The following DNAAF10 variants were observed in gnomAD, a reference collection of about 807,000 sequenced individuals.
The protein encoded by DNAAF10 is WD repeat domain 92.
A neutral mutation model predicts 43.7 loss-of-function variants in DNAAF10; 28 were observed. The ratio of observed to expected loss-of-function variants is 0.64; its 90% CI spans 0.48 to 0.88. The LOEUF (loss-of-function observed/expected upper bound fraction) is 0.88. DNAAF10 is among the 40% of genes least tolerant of loss of function. The pLI is 0.00. For missense variants in DNAAF10, 403 were observed against 439.1 expected, an observed-to-expected ratio of 0.92 and a Z score of 0.73; for synonymous variants, 156 against 157.3, an observed-to-expected ratio of 0.99 and a Z score of 0.06.
chr2:68,142,759 C>G (rs1265172560), intron 3 of DNAAF10, among the ~76,000 whole-genome samples: 1 of 148,626 alleles, frequency 6.7e-6, no homozygotes, highest in African/African-American at 2.5e-5. Flanking sequence ...AGGCAAGTAC[C>G]TGAGAATAAG....
chr2:68,138,883 C>T (rs377492003), intron 4 of DNAAF10, 26 bp from the exon 5 acceptor site: 38 of 1,538,396 alleles, frequency 2.5e-5, no homozygotes, highest in Non-Finnish European at 3.4e-5. Flanking sequence ...CAACATTTCA[C>T]ATCCTTATAA....
At position 68,137,441 on chromosome 2, in the gene DNAAF10, CA is replaced by C. The variant is rs758404691; in HGVS notation, c.634-9del. On this transcript the variant is annotated splice_polypyrimidine_tract_variant and intron_variant, in intron 5 of 7. Coordinates refer to ENST00000295121, the MANE Select transcript of DNAAF10 (RefSeq NM_138458.4). ...AAACTCCAAGCTACACACCTGAAAACAGAGAATACTTATTATTGGTAGTCTC... is the reference window on the plus strand; with the variant it reads ...AAACTCCAAGCTACACACCTGAAAACGAGAATACTTATTATTGGTAGTCTC... 2 of 1,605,040 alleles carry C rather than the reference CA, an allele frequency of 1.2e-6. No homozygotes were observed. The highest frequency in any genetic ancestry group is 2.2e-5 in the South Asian group (2 of 89,440).
At chr2:68,150,895 G>C (rs1036585931) in intron 1 of DNAAF10, among the ~76,000 whole-genome samples, 1 of 152,164 alleles carries the variant, frequency 6.6e-6, no homozygotes, top group Non-Finnish European at 1.5e-5. Flanking sequence ...TCCCTGTGCA[G>C]AGATAGAACT....
rs1257945961 is a variant in DNAAF10, at chr2:68,137,308, A to G, written c.759T>C (p.Val253=). The part of the protein sequence containing the change: ...TQHPTKGFAS[V]SEKAHKSTVW... The stretch of plus-strand genomic sequence containing the variant: ...TTTCCCTCATATTTACCTTTTCTGA[A>G]ACAGAGGCAAAACCTTTGGTTGGAT... The change falls in exon 6 of 8, where the codon GTT becomes GTC. Residue 253 remains valine, a synonymous_variant. Coordinates refer to ENST00000295121, the MANE Select transcript of DNAAF10 (RefSeq NM_138458.4). The G allele has an allele frequency of 6.2e-7, 1 of 1,610,332 alleles. No homozygotes were observed. Among genetic ancestry groups the G allele is most frequent in the Admixed American group, 1.7e-5 (1 of 59,258 alleles).
At chr2:68,154,715 A>ACT (rs1309707286) in intron 1 of DNAAF10, among the ~76,000 whole-genome samples, 1 of 152,136 alleles carries the variant, frequency 6.6e-6, no homozygotes, top group Admixed American at 6.5e-5. Flanking sequence ...AAGACAAACT[A>ACT]CTCTATTCCA....
At chr2:68,141,439 T>C (rs1375606410) in intron 4 of DNAAF10, among the ~76,000 whole-genome samples, 1 of 152,220 alleles carries the variant, frequency 6.6e-6, no homozygotes, top group Non-Finnish European at 1.5e-5. Flanking sequence ...CTATTATTAA[T>C]TCCATTTTAT....
Position 68,130,104 on chromosome 2 carries a change from T to TGA in DNAAF10, c.*1132_*1133dup, listed in dbSNP as rs10574149. On this transcript the variant is annotated 3_prime_UTR_variant, in exon 8 of 8. Coordinates refer to ENST00000295121, the MANE Select transcript of DNAAF10 (RefSeq NM_138458.4). The stretch of plus-strand genomic sequence containing the variant: ...CAAATCTAGACCAACCGTGCCGTTT[T>TGA]GAGAGAGAGAGATATATATATATAT... 1.3e-4 allele frequency: 8 copies of TGA among 63,902 alleles called. No homozygotes were observed. Among genetic ancestry groups the TGA allele is most frequent in the African/African-American group, 3.0e-4 (8 of 26,470 alleles). The allele number at this position is 63,902 out of a possible 1,614,324, so 4.0% of individuals were successfully genotyped here.
rs138076521 is a variant in DNAAF10 at position 68,157,284 on chromosome 2, C to T, written c.160G>A (p.Gly54Arg). The change falls in exon 1 of 8, where the codon GGG becomes AGG. Residue 54 changes from glycine (G) to arginine (R), a missense_variant. Gly to Arg is a moderately radical substitution (Grantham distance 125). Coordinates refer to ENST00000295121, the MANE Select transcript of DNAAF10 (RefSeq NM_138458.4). The part of the protein sequence containing the change: ...GVIQLYEIQH[G>R]DLKLLREIEK... ...ACCTCCCGAAGCAGCTTCAGGTCCC[C>T]GTGCTGGATCTCGTACAGCTGAATG... 3.6e-4 allele frequency: 583 copies of T among 1,613,950 alleles called. No individual in the cohort carries two copies. The highest frequency in any genetic ancestry group is 6.6e-4 in the Middle Eastern group (4 of 6,062).
intron 1 of DNAAF10, among the ~76,000 whole-genome samples, chr2:68,151,165 T>C (rs1156779271): frequency 1.3e-5 from 2 of 152,382 alleles, no homozygotes; most frequent in South Asian, 2.1e-4. Context: ...TGAAGGCCTA[T>C]GGTATACAAA....
Position 68,134,040 on chromosome 2 carries a change from G to A in DNAAF10, c.866+662C>T, listed in dbSNP as rs1672979393. 5.3e-6 allele frequency: 4 copies of A among 753,788 alleles called. No homozygotes were observed. In the South Asian group the frequency reaches 2.4e-4, roughly 45 times the overall value. 46.7% of individuals were successfully genotyped at this position (753,788 alleles called of 1,614,324 possible). On this transcript the variant is annotated intron_variant, in intron 7 of 7. Coordinates refer to ENST00000295121, the MANE Select transcript of DNAAF10 (RefSeq NM_138458.4). ...GAAAGATATAATTTTTCCCCTCCAA[G>A]TACATATTGCTTAGCTAATAAAGTA...
At chr2:68,149,308 T>C (rs989989566) in intron 1 of DNAAF10, among the ~76,000 whole-genome samples, 1 of 152,174 alleles carries the variant, frequency 6.6e-6, no homozygotes, top group African/African-American at 2.4e-5. Flanking sequence ...CTAGATAAAT[T>C]GGAGTTACTA....
chr2:68,144,419 C>T (rs968475966), intron 3 of DNAAF10, among the ~76,000 whole-genome samples, 166 bp downstream of exon 3: 5 of 152,062 alleles, frequency 3.3e-5, no homozygotes, highest in East Asian at 3.9e-4. Flanking sequence ...CTGAAACAAT[C>T]GAGAGATAAG....
At position 68,137,412 on chromosome 2, in the gene DNAAF10, T is replaced by C; in HGVS notation, c.655A>G (p.Arg219Gly). The C allele has an allele frequency of 6.2e-7, 1 of 1,612,534 alleles. No individual in the cohort carries two copies. The highest frequency in any genetic ancestry group is 8.5e-7 in the Non-Finnish European group (1 of 1,179,252). The change falls in exon 6 of 8, where the codon AGA (arginine) becomes GGA (glycine). Residue 219 changes from arginine to glycine, a missense_variant. Coordinates refer to ENST00000295121, the MANE Select transcript of DNAAF10 (RefSeq NM_138458.4). ...AACTTATTCATACTTATGTCTTTTCTGTCAAACTCCAAGCTACACACCTGA... is the reference window on the plus strand; with the variant it reads ...AACTTATTCATACTTATGTCTTTTCCGTCAAACTCCAAGCTACACACCTGA... Reference protein sequence around the residue: ...KNGVCSLEFDRKDISMNKLVA... With the variant: ...KNGVCSLEFDGKDISMNKLVA...
At chr2:68,140,002 A>G (rs1295059931) in intron 4 of DNAAF10, among the ~76,000 whole-genome samples, 1 of 152,232 alleles carries the variant, frequency 6.6e-6, no homozygotes, top group Non-Finnish European at 1.5e-5. Flanking sequence ...GTGTGATTCC[A>G]TCTTTACAAG....
At position 68,134,814 on chromosome 2, in the gene DNAAF10, A is replaced by G. The variant is rs768441842; in HGVS notation, c.769-15T>C. The G allele has an allele frequency of 6.2e-7, 1 of 1,613,572 alleles. No individual in the cohort carries two copies. The highest frequency in any genetic ancestry group is 8.5e-7 in the Non-Finnish European group (1 of 1,179,850). ...GATTTATGAGCCTAAATAGAACAAG[A>G]GGCATACAACTGGTTTATATGCTAA... On this transcript the variant is annotated splice_polypyrimidine_tract_variant and intron_variant, in intron 6 of 7. Transcript: ENST00000295121.
At chr2:68,131,972 T>C (rs1157564345) in intron 7 of DNAAF10, 1 of 155,516 alleles carries the variant, frequency 6.4e-6, no homozygotes, top group Non-Finnish European at 1.4e-5. Context: ...GTACCATTTC[T>C]ATGGGAAGGC....
At chr2:68,134,265 T>C in intron 7 of DNAAF10, 1 of 1,006,094 alleles carries the variant, frequency 9.9e-7, no homozygotes, top group Non-Finnish European at 1.2e-6. Flanking sequence ...CCTGCCTAGA[T>C]ATGCAGAAAG....
intron 4 of DNAAF10, among the ~76,000 whole-genome samples, chr2:68,139,717 T>C (rs949322304): frequency 3.3e-5 from 5 of 149,438 alleles, no homozygotes; most frequent in African/African-American, 1.2e-4. Context: ...GGCAGGAGAA[T>C]GGCATGAACC....
At chr2:68,140,898 A>G (rs1045900130) in intron 4 of DNAAF10, among the ~76,000 whole-genome samples, 4 of 152,232 alleles carry the variant, frequency 2.6e-5, no homozygotes, top group Admixed American at 1.3e-4. Context: ...TTCCCTAAAC[A>G]ATACAACAAT....
Sources: allele counts gnomAD v4.1 joint callset (sites outside exome capture counted in the v4.1 genomes callset), GRCh38; gene constraint gnomAD v4.1.1; transcripts MANE v1.5; gene names NCBI Gene and HGNC (gene_info 2026-07-23, HGNC 2026-07-21).